The following MED13L variants were observed in gnomAD, a reference collection of about 807,000 sequenced individuals.
MED13L encodes mediator complex subunit 13L.
In MED13L, 7 loss-of-function variants were observed where a neutral mutation model predicts 220.9. The ratio of observed to expected loss-of-function variants is 0.03; its 90% confidence interval spans 0.02 to 0.06. The LOEUF (loss-of-function observed/expected upper bound fraction) is 0.06. Ranked by LOEUF, MED13L falls within the 10% of genes least tolerant of loss-of-function variation. MED13L has a pLI of 1.00. For synonymous variants in MED13L, 1,011 were observed against 1,015.2 expected (o/e 1.00, Z 0.08); for missense variants, 1,965 against 2,760.5 (o/e 0.71, Z 6.46).
intron 4 of MED13L, among the ~76,000 whole-genome samples, chr12:116,087,987 C>T (rs1487683513): frequency 1.3e-5 from 2 of 152,130 alleles, no homozygotes; most frequent in African/African-American, 4.8e-5. Flanking sequence ...TCCAACATGA[C>T]ACTCCCTTTA....
intron 1 of MED13L, among the ~76,000 whole-genome samples, chr12:116,249,726 T>C (rs1593208873): frequency 2.1e-5 from 1 of 48,440 alleles, no homozygotes; most frequent in Admixed American, 3.1e-4. Flanking sequence ...GCAGATTAAG[T>C]ACCTACCCAA....
intron 4 of MED13L, among the ~76,000 whole-genome samples, chr12:116,055,856 T>C (rs151144552): frequency 0.012 from 1,771 of 151,854 alleles, 17 homozygotes; most frequent in Non-Finnish European, 0.016. Flanking sequence ...GATTGTGCCA[T>C]TGGACTCCAG....
Position 115,959,137 on chromosome 12 carries a change from G to A in MED13L, c.*2129C>T, listed in dbSNP as rs1191742821. ...AATATTATACAGACTTTTTCACACA[G>A]AAGTACATAATAAGATTTTTTAAAA... On this transcript the variant is annotated 3_prime_UTR_variant, in exon 31 of 31. Coordinates refer to ENST00000281928, the MANE Select transcript of MED13L (RefSeq NM_015335.5). The A allele has an allele frequency of 3.9e-5, 6 of 152,494 alleles. No homozygotes were observed. The highest frequency in any genetic ancestry group is 8.8e-5 in the Non-Finnish European group (6 of 68,016). 9.4% of individuals were successfully genotyped at this position (152,494 alleles called of 1,614,324 possible).
chr12:115,998,021 G>C (rs1170580589), intron 14 of MED13L, among the ~76,000 whole-genome samples: 2 of 152,140 alleles, frequency 1.3e-5, no homozygotes, highest in African/African-American at 2.4e-5. Flanking sequence ...ACTCACAGCT[G>C]CTCTTTTGGG....
At chr12:116,247,304 T>C (rs1871182983) in intron 1 of MED13L, among the ~76,000 whole-genome samples, 1 of 152,154 alleles carries the variant, frequency 6.6e-6, no homozygotes, top group African/African-American at 2.4e-5. Context: ...GCTACTAATA[T>C]TGAGAACTCA....
At chr12:116,120,191 T>C (rs1874919387) in intron 2 of MED13L, among the ~76,000 whole-genome samples, 2 of 151,696 alleles carry the variant, frequency 1.3e-5, no homozygotes, top group Admixed American at 1.3e-4. Context: ...TATCCAAATG[T>C]TCTGACTCTG....
At chr12:116,035,239 A>G (rs1488050691) in intron 4 of MED13L, among the ~76,000 whole-genome samples, 1 of 152,226 alleles carries the variant, frequency 6.6e-6, no homozygotes, top group Non-Finnish European at 1.5e-5. Context: ...GCACAGCAAG[A>G]GCCCAAAGAC....
At chr12:115,974,187 G>A (rs1876779327) in intron 25 of MED13L, among the ~76,000 whole-genome samples, 2 of 152,118 alleles carry the variant, frequency 1.3e-5, no homozygotes, top group South Asian at 2.1e-4. Context: ...ACGTTACAAC[G>A]GCAGAACTGA....
rs147062152 is a variant in MED13L at position 116,042,273 on chromosome 12, G to C, written c.480-19672C>G. 1.4e-4 allele frequency among the ~76,000 whole-genome samples: 21 copies of C among 152,298 alleles called. No individual in the cohort carries two copies. In the East Asian group the frequency reaches 4.1e-3, roughly 29 times the overall value. Reference sequence around the variant, plus strand: ...ATTTAAAGAATAAACAGGCTTACAAGAAAGGTACCATCTTGGCTATCCCTG... The same window carrying C: ...ATTTAAAGAATAAACAGGCTTACAACAAAGGTACCATCTTGGCTATCCCTG... On this transcript the variant is annotated intron_variant, in intron 4 of 30. Coordinates refer to ENST00000281928, the MANE Select transcript of MED13L (RefSeq NM_015335.5).
chr12:116,056,180 G>C (rs1256152888), intron 4 of MED13L, among the ~76,000 whole-genome samples: 2 of 152,150 alleles, frequency 1.3e-5, no homozygotes, highest in Non-Finnish European at 2.9e-5. Context: ...TTACAAGCAA[G>C]AGTGTACAAT....
chr12:115,978,324 TTC>T (rs1877091936), intron 23 of MED13L, among the ~76,000 whole-genome samples: 1 of 150,702 alleles, frequency 6.6e-6, no homozygotes, highest in African/African-American at 2.5e-5. Flanking sequence ...ACAATTTTTT[TTC>T]TTTTTTTTTT....
At chr12:116,155,645 T>C (rs1050720368) in intron 2 of MED13L, among the ~76,000 whole-genome samples, 1 of 152,114 alleles carries the variant, frequency 6.6e-6, no homozygotes, top group Admixed American at 6.5e-5. Flanking sequence ...CTAGAGTTCA[T>C]TTCACCGCTG....
At chr12:116,047,198 T>G (rs1881890441) in intron 4 of MED13L, among the ~76,000 whole-genome samples, 1 of 150,104 alleles carries the variant, frequency 6.7e-6, no homozygotes, top group Non-Finnish European at 1.5e-5. Context: ...AAAAGAAAAA[T>G]AAAAAATTGG....
In MED13L at chr12:115,982,779, G is replaced by A. The variant is rs77019442; in HGVS notation, c.4956-176C>T. ...CAGGCAAACCAAGCCAGAGAGCATCGAGGGCAGATGGAAAATGGCAATGTA... is the reference window on the plus strand; with the variant it reads ...CAGGCAAACCAAGCCAGAGAGCATCAAGGGCAGATGGAAAATGGCAATGTA... On this transcript the variant is annotated intron_variant, in intron 21 of 30. Coordinates refer to ENST00000281928, the MANE Select transcript of MED13L (RefSeq NM_015335.5). Among the ~76,000 whole-genome samples the A allele has an allele frequency of 8.1e-3, 1,226 of 152,264 alleles. 24 individuals carry two copies. Among genetic ancestry groups the A allele is most frequent in the African/African-American group, 0.028 (1,154 of 41,548 alleles).
At chr12:116,161,597 G>A (rs1878859346) in intron 2 of MED13L, among the ~76,000 whole-genome samples, 1 of 152,088 alleles carries the variant, frequency 6.6e-6, no homozygotes, top group Non-Finnish European at 1.5e-5. Flanking sequence ...GTCAAAGTGA[G>A]CCCACAAGCT....
chr12:116,030,976 G>A (rs979143561), intron 4 of MED13L, among the ~76,000 whole-genome samples: 73 of 152,198 alleles, frequency 4.8e-4, no homozygotes, highest in African/African-American at 1.7e-3. Context: ...GCAAATCTAT[G>A]AAACTAATAC....
chr12:115,978,275 T>C (rs991830057), intron 23 of MED13L, among the ~76,000 whole-genome samples: 6 of 152,036 alleles, frequency 3.9e-5, no homozygotes, highest in South Asian at 2.1e-4. Context: ...TAGTGAAGAC[T>C]GTACAACTGT....
At chr12:116,188,413 A>T (rs1881041328) in intron 2 of MED13L, among the ~76,000 whole-genome samples, 2 of 152,142 alleles carry the variant, frequency 1.3e-5, no homozygotes, top group South Asian at 4.1e-4. Flanking sequence ...AATTTTATAT[A>T]CCCAGCAATA....
At chr12:116,152,329 C>T (rs1347881770) in intron 2 of MED13L, among the ~76,000 whole-genome samples, 4 of 152,138 alleles carry the variant, frequency 2.6e-5, no homozygotes. Context: ...TTAACAGCAG[C>T]CAATGGTTCA....
Sources: gnomAD v4.1 joint callset for allele counts (sites outside exome capture counted in the v4.1 genomes callset) on GRCh38, gnomAD v4.1.1 for gene constraint, MANE v1.5 for transcripts, NCBI Gene and HGNC (gene_info 2026-07-23, HGNC 2026-07-21) for gene names.